The following UQCC2 variants were observed in gnomAD, a reference collection of about 807,000 sequenced individuals.
UQCC2 encodes ubiquinol-cytochrome c reductase complex assembly factor 2.
UQCC2 carries 21 observed loss-of-function variants against 19.9 expected under a neutral mutation model. The observed-to-expected ratio is 1.05, with a 90% CI of 0.75 to 1.52. The LOEUF is 1.52. Among genes scored for constraint, UQCC2 ranks in the 40% most tolerant of loss-of-function variants. The probability of loss-of-function intolerance (pLI) is 0.00; values close to 1 mark genes in which losing one functional copy is unlikely to be tolerated. For missense variants in UQCC2, 135 were observed against 157.5 expected, an observed-to-expected ratio of 0.86 and a Z score of 0.76; for synonymous variants, 57 against 60.9, an observed-to-expected ratio of 0.94 and a Z score of 0.30.
rs143106909 is a variant in UQCC2 at position 33,699,689 on chromosome 6, T to C, written c.283+755A>G. 2.6e-5 allele frequency among the ~76,000 whole-genome samples: 4 copies of C among 152,318 alleles called. No individual in the cohort carries two copies. In the East Asian group the frequency reaches 7.7e-4, roughly 29 times the overall value. On this transcript the variant is annotated intron_variant, in intron 3 of 3. Coordinates refer to ENST00000607484, the MANE Select transcript of UQCC2 (RefSeq NM_032340.4). The stretch of plus-strand genomic sequence containing the variant: ...GTTTTAATCTCAGAAGAGAGTTTTC[T>C]AGAAGCCCAAATCCTCAAAACTTAA...
chr6:33,706,968 T>A (rs1582183205), intron 1 of UQCC2, among the ~76,000 whole-genome samples: 1 of 152,170 alleles, frequency 6.6e-6, no homozygotes, highest in Non-Finnish European at 1.5e-5. Flanking sequence ...GGACCAAGGA[T>A]CAGAGGCACT....
rs182456311 is a variant in UQCC2, at chr6:33,703,273, C to T, written c.139-1853G>A. Among the ~76,000 whole-genome samples, 611 of 152,274 alleles carry T rather than the reference C, an allele frequency of 4.0e-3. 6 individuals are homozygous for T. The highest frequency in any genetic ancestry group is 0.013 in the African/African-American group (538 of 41,558). Reference sequence around the variant, plus strand: ...TCCCCTCCTGGGTTCAAGTGATTCTCCTGCTTCAGCCTCCCAAGTAGCTGG... The same window carrying T: ...TCCCCTCCTGGGTTCAAGTGATTCTTCTGCTTCAGCCTCCCAAGTAGCTGG... On this transcript the variant is annotated intron_variant, in intron 1 of 3. Transcript: ENST00000607484.
At chr6:33,697,887 G>A (rs1374242684) in intron 3 of UQCC2, 137 bp from the exon 4 acceptor site, 10 of 665,072 alleles carry the variant, frequency 1.5e-5, no homozygotes, top group Non-Finnish European at 2.3e-5. Context: ...TGGAGACCCA[G>A]CTCCTGAAGA....
At chr6:33,705,965 G>A (rs1765693362) in intron 1 of UQCC2, among the ~76,000 whole-genome samples, 1 of 152,174 alleles carries the variant, frequency 6.6e-6, no homozygotes, top group South Asian at 2.1e-4. Flanking sequence ...TTCATCTGAC[G>A]AGTGTCCTTT....
chr6:33,698,040 T>G (rs1443897326), intron 3 of UQCC2: 1 of 406,772 alleles, frequency 2.5e-6, no homozygotes, highest in African/African-American at 2.0e-5. Context: ...GTTGCCCTGC[T>G]CCGTATGAGG....
At chr6:33,703,041 TAA>T (rs1472189234) in intron 1 of UQCC2, among the ~76,000 whole-genome samples, 3 of 152,196 alleles carry the variant, frequency 2.0e-5, no homozygotes, top group Non-Finnish European at 4.4e-5. Context: ...TGCTGAATAA[TAA>T]AGTCATTATC....
intron 1 of UQCC2, among the ~76,000 whole-genome samples, chr6:33,703,491 A>G (rs1162132367): frequency 6.6e-6 from 1 of 152,112 alleles, no homozygotes; most frequent in Non-Finnish European, 1.5e-5. Flanking sequence ...CCCATCTATG[A>G]GCAGGGGACG....
chr6:33,705,327 G>A (rs542155540), intron 1 of UQCC2, among the ~76,000 whole-genome samples: 74 of 149,344 alleles, frequency 5.0e-4, no homozygotes, highest in Middle Eastern at 3.4e-3. Flanking sequence ...CACCGCACCC[G>A]ACCACTCTCA....
intron 1 of UQCC2, among the ~76,000 whole-genome samples, chr6:33,706,642 T>G (rs4713665): frequency 0.41 from 62,496 of 152,042 alleles, 15,311 homozygotes; most frequent in East Asian, 0.85. Context: ...AACCTGGGCA[T>G]GAGTGACACA....
intron 1 of UQCC2, among the ~76,000 whole-genome samples, chr6:33,704,120 GATAA>G (rs1374820063): frequency 6.6e-6 from 1 of 152,188 alleles, no homozygotes; most frequent in South Asian, 2.1e-4. Context: ...CTGGAACGCC[GATAA>G]ATGTGAGCGA....
chr6:33,699,106 C>T (rs1444354504), intron 3 of UQCC2, among the ~76,000 whole-genome samples: 1 of 152,156 alleles, frequency 6.6e-6, no homozygotes, highest in Non-Finnish European at 1.5e-5. Flanking sequence ...AGGGTGGACA[C>T]ACACATAACC....
intron 1 of UQCC2, among the ~76,000 whole-genome samples, chr6:33,708,471 A>C (rs183161940): frequency 6.6e-6 from 1 of 152,320 alleles, no homozygotes; most frequent in East Asian, 1.9e-4. Context: ...CTAAGGATTA[A>C]ATGAGATCAC....
intron 3 of UQCC2, 92 bp downstream of exon 3, chr6:33,700,352 A>C: frequency 1.4e-6 from 2 of 1,438,994 alleles, no homozygotes; most frequent in Non-Finnish European, 1.9e-6. Flanking sequence ...CTTTCCATCA[A>C]GCAAAACTGT....
chr6:33,700,967 A>C (rs1765632749), intron 2 of UQCC2, among the ~76,000 whole-genome samples: 1 of 152,232 alleles, frequency 6.6e-6, no homozygotes, highest in Non-Finnish European at 1.5e-5. Flanking sequence ...GCTCCGTAAA[A>C]GGAGGGCACT....
Position 33,711,675 on chromosome 6 carries a change from G to A in UQCC2, c.12C>T (p.Ser4=), listed in dbSNP as rs928008544. The A allele has an allele frequency of 1.2e-6, 2 of 1,609,444 alleles. No individual in the cohort carries two copies. Among genetic ancestry groups the A allele is most frequent in the Non-Finnish European group, 8.5e-7 (1 of 1,178,662 alleles). Residue 4 remains serine, a synonymous_variant, in exon 1 of 4, where the codon AGC becomes AGT. Coordinates refer to ENST00000607484, the MANE Select transcript of UQCC2 (RefSeq NM_032340.4). Reference sequence around the variant, plus strand: ...AGAGCTTAAGAAAACGCCGGTACCGGCTGGCCGCCATCTTGGGCCCCGCGT... The same window carrying A: ...AGAGCTTAAGAAAACGCCGGTACCGACTGGCCGCCATCTTGGGCCCCGCGT... The part of the protein sequence containing the change: MAA[S]RYRRFLKLCE...
chr6:33,697,908 C>T (rs1035109512), intron 3 of UQCC2, 158 bp from the exon 4 acceptor site: 1 of 625,466 alleles, frequency 1.6e-6, no homozygotes, highest in Admixed American at 2.9e-5. Context: ...GCAGATCAAA[C>T]AGGTAACAGA....
intron 1 of UQCC2, among the ~76,000 whole-genome samples, chr6:33,704,227 G>A (rs1765673089): frequency 6.6e-6 from 1 of 152,218 alleles, no homozygotes; most frequent in African/African-American, 2.4e-5. Context: ...GAACAGTTCA[G>A]AACCACCCTG....
rs542328509 is a variant in UQCC2 at position 33,705,968 on chromosome 6, T to G, written c.139-4548A>C. Reference sequence around the variant, plus strand: ...ATAAAATAGATGTTCATCTGACGAGTGTCCTTTATAGCTCTATTTTTGCTC... The same window carrying G: ...ATAAAATAGATGTTCATCTGACGAGGGTCCTTTATAGCTCTATTTTTGCTC... On this transcript the variant is annotated intron_variant, in intron 1 of 3. Coordinates refer to ENST00000607484, the MANE Select transcript of UQCC2 (RefSeq NM_032340.4). 2.6e-4 allele frequency among the ~76,000 whole-genome samples: 39 copies of G among 152,292 alleles called. No homozygotes were observed. In the South Asian group the frequency reaches 6.4e-3, roughly 25 times the overall value.
At chr6:33,710,261 C>T (rs1451110571) in intron 1 of UQCC2, among the ~76,000 whole-genome samples, 1 of 152,072 alleles carries the variant, frequency 6.6e-6, no homozygotes, top group Non-Finnish European at 1.5e-5. Context: ...GTTATTGCCC[C>T]CTATAGCCCA....
Sources: allele counts gnomAD v4.1 joint callset (sites outside exome capture counted in the v4.1 genomes callset), GRCh38; gene constraint gnomAD v4.1.1; transcripts MANE v1.5; gene names NCBI Gene and HGNC (gene_info 2026-07-23, HGNC 2026-07-21).